The following WDR27 variants were observed in gnomAD, a reference collection of about 807,000 sequenced individuals.
WDR27 encodes WD repeat domain 27.
A neutral mutation model predicts 114.4 loss-of-function variants in WDR27; 100 were observed. The observed-to-expected ratio is 0.87, with a 90% CI of 0.74 to 1.03. WDR27 has a LOEUF of 1.03. Among genes scored for constraint, WDR27 ranks in the 50% least tolerant of loss-of-function variants. The pLI, the probability that WDR27 is intolerant of heterozygous loss-of-function variation, is 0.00. For missense variants in WDR27, 1,129 were observed against 1,092.9 expected (o/e 1.03, Z -0.47); for synonymous variants, 449 against 423.1 (o/e 1.06, Z -0.75).
At chr6:169,471,275 G>A (rs1218085772) in intron 25 of WDR27, among the ~76,000 whole-genome samples, 1 of 152,008 alleles carries the variant, frequency 6.6e-6, no homozygotes, top group African/African-American at 2.4e-5. Context: ...TCTTCATCCT[G>A]ACCCATGAGT....
rs568452199 is a variant in WDR27, at chr6:169,701,916, G to GGACTCACAGCACCCAGCTCCCA, written c.-395_-374dup. The GGACTCACAGCACCCAGCTCCCA allele has an allele frequency of 9.7e-3, 3,392 of 348,916 alleles. 141 individuals are homozygous for GGACTCACAGCACCCAGCTCCCA. The highest frequency in any genetic ancestry group is 0.086 in the Admixed American group (2,267 of 26,252). 21.6% of individuals were successfully genotyped at this position (348,916 alleles called of 1,614,324 possible). A position where few individuals can be genotyped will look rare whatever the true frequency, so the allele number is the denominator to read the frequency against. ...GCGCCGAGACCAGCCCGCTAGGGGA[G>GGACTCACAGCACCCAGCTCCCA]GACTCACAGCACCCAGCTCCCAGGA... On this transcript the variant is annotated 5_prime_UTR_variant, in exon 1 of 26. Coordinates refer to ENST00000448612, the MANE Select transcript of WDR27 (RefSeq NM_182552.5).
In WDR27 at chr6:169,520,742, G is replaced by GA. The variant is rs547656262; in HGVS notation, c.2645+51676dup. Among the ~76,000 whole-genome samples, 211 of 151,988 alleles carry GA rather than the reference G, an allele frequency of 1.4e-3. 1 individual carries two copies. The highest frequency in any genetic ancestry group is 3.1e-3 in the African/African-American group (129 of 41,474). On this transcript the variant is annotated intron_variant, in intron 25 of 25. Coordinates refer to ENST00000448612, the MANE Select transcript of WDR27 (RefSeq NM_182552.5). The stretch of plus-strand genomic sequence containing the variant: ...AACTGAGAAATACATTTGCTGAACT[G>GA]AAAAAAATCATGAGAGGCTCTCAAC...
At chr6:169,458,786 C>CA (rs373146234) in intron 25 of WDR27, among the ~76,000 whole-genome samples, 2,213 of 104,792 alleles carry the variant, frequency 0.021, 29 homozygotes, top group African/African-American at 0.046. Flanking sequence ...GACCCTGTCT[C>CA]AAAAAAAAAA....
In WDR27 at chr6:169,684,679, T is replaced by C. The variant is rs1318106659; in HGVS notation, c.189+4138A>G. 6.6e-6 allele frequency among the ~76,000 whole-genome samples: 1 copy of C among 152,168 alleles called. No homozygotes were observed. The highest frequency in any genetic ancestry group is 1.5e-5 in the Non-Finnish European group (1 of 68,026). On this transcript the variant is annotated intron_variant, in intron 2 of 25. Coordinates refer to ENST00000448612, the MANE Select transcript of WDR27 (RefSeq NM_182552.5). This position sits in a 1 kb window ranked among gnomAD's most constrained non-coding sequence, Gnocchi z 4.3. ...AGTCCTGTGGGTTTCCCCCAGCAGA[T>C]ATGCTCTCAGACAAATCCAGCAGCT...
intron 25 of WDR27, among the ~76,000 whole-genome samples, chr6:169,541,526 C>T (rs1796853625): frequency 6.6e-6 from 1 of 152,208 alleles, no homozygotes; most frequent in African/African-American, 2.4e-5. Flanking sequence ...AACCAGCCAG[C>T]CTGGCCTTCA....
At chr6:169,534,929 T>C (rs1218921109) in intron 25 of WDR27, among the ~76,000 whole-genome samples, 1 of 151,856 alleles carries the variant, frequency 6.6e-6, no homozygotes, top group Non-Finnish European at 1.5e-5. Flanking sequence ...TACCTATGGA[T>C]ATCTATTAAA....
intron 16 of WDR27, among the ~76,000 whole-genome samples, chr6:169,644,917 G>T (rs1246171784): frequency 1.0e-5 from 1 of 99,200 alleles, no homozygotes; most frequent in Non-Finnish European, 1.9e-5. Flanking sequence ...GCTGAGGCAG[G>T]AGAATGGCGT....
intron 2 of WDR27, among the ~76,000 whole-genome samples, chr6:169,687,105 T>C (rs1034450864): frequency 6.6e-6 from 1 of 152,126 alleles, no homozygotes; most frequent in Non-Finnish European, 1.5e-5. Context: ...TAATAACTTA[T>C]TATATAATTC....
chr6:169,664,519 A>T (rs1002276722), intron 7 of WDR27: 2 of 1,388,016 alleles, frequency 1.4e-6, no homozygotes, highest in African/African-American at 2.9e-5. Flanking sequence ...CTCAGGGCAC[A>T]TGGGCAGGAT....
chr6:169,633,932 T>G (rs184799485), intron 20 of WDR27, among the ~76,000 whole-genome samples: 42 of 152,286 alleles, frequency 2.8e-4, no homozygotes, highest in Middle Eastern at 3.4e-3. Context: ...TTTGAGTAAA[T>G]TAAAACTTTA....
At chr6:169,621,483 T>C (rs111066678) in intron 21 of WDR27, among the ~76,000 whole-genome samples, 28,819 of 151,246 alleles carry the variant, frequency 0.19, 4,416 homozygotes, top group East Asian at 0.7. Context: ...CACATGTGCA[T>C]GCACACATAT....
At chr6:169,457,973 CGGA>C (rs148934854) in intron 25 of WDR27, among the ~76,000 whole-genome samples, 24,422 of 111,734 alleles carry the variant, frequency 0.22, 3,300 homozygotes, top group East Asian at 0.64. Context: ...GCACTCCTGA[CGGA>C]GGAGGAGGAG....
chr6:169,665,407 A>G, intron 7 of WDR27, 79 bp downstream of exon 7: 2 of 1,532,874 alleles, frequency 1.3e-6, no homozygotes, highest in Non-Finnish European at 1.8e-6. Flanking sequence ...ACAAAGTAGC[A>G]TGAAGACAAA....
intron 25 of WDR27, among the ~76,000 whole-genome samples, chr6:169,512,709 A>G (rs1362978606): frequency 6.6e-6 from 1 of 152,220 alleles, no homozygotes; most frequent in East Asian, 1.9e-4. Context: ...AACTTTGTCT[A>G]GTTTTACCTC....
Position 169,580,147 on chromosome 6 carries a change from G to T in WDR27, c.2523+2689C>A, listed in dbSNP as rs567680899. 6.7e-4 allele frequency among the ~76,000 whole-genome samples: 102 copies of T among 152,282 alleles called. 1 individual carries two copies. Among genetic ancestry groups the T allele is most frequent in the Admixed American group, 1.7e-3 (26 of 15,302 alleles). ...CCACACTTGTTCCCATGTTTTCCTTGTGTGTATGTTTTTATATCATAAACA... is the reference window on the plus strand; with the variant it reads ...CCACACTTGTTCCCATGTTTTCCTTTTGTGTATGTTTTTATATCATAAACA... On this transcript the variant is annotated intron_variant, in intron 24 of 25. Transcript: ENST00000448612.
intron 24 of WDR27, among the ~76,000 whole-genome samples, chr6:169,577,189 T>C (rs1302600214): frequency 6.6e-6 from 1 of 151,762 alleles, no homozygotes; most frequent in Non-Finnish European, 1.5e-5. Context: ...GCCGGCTCAG[T>C]CCACAGGTGA....
intron 25 of WDR27, among the ~76,000 whole-genome samples, chr6:169,501,387 C>T (rs543887952): frequency 2.0e-5 from 3 of 152,304 alleles, no homozygotes; most frequent in South Asian, 4.1e-4. Context: ...GAGGGAGTCA[C>T]GCGGCTTTAA....
In WDR27 at chr6:169,697,158, T is replaced by A. The variant is rs190758391; in HGVS notation, c.-8+4393A>T. Among the ~76,000 whole-genome samples, 73 of 152,334 alleles carry A rather than the reference T, an allele frequency of 4.8e-4. No individual in the cohort carries two copies. In the East Asian group the frequency reaches 0.013, roughly 27 times the overall value. ...AATCATTAGTTTGTAGCAATTACTC[T>A]TTATTCCAATATTATAATAATACTC... On this transcript the variant is annotated intron_variant, in intron 1 of 25. Transcript: ENST00000448612.
chr6:169,470,658 G>A (rs1210961336), intron 25 of WDR27, among the ~76,000 whole-genome samples: 2 of 152,190 alleles, frequency 1.3e-5, no homozygotes, highest in Non-Finnish European at 2.9e-5. Context: ...AGACAGAAGA[G>A]AGATCTTTCT....
Sources: allele counts gnomAD v4.1 joint callset (sites outside exome capture counted in the v4.1 genomes callset), GRCh38; gene constraint gnomAD v4.1.1; non-coding constraint Gnocchi (gnomAD v3.1); transcripts MANE v1.5; gene names NCBI Gene and HGNC (gene_info 2026-07-23, HGNC 2026-07-21).